The following KDM6A variants were observed in gnomAD, a reference collection of about 807,000 sequenced individuals.
The protein encoded by KDM6A is lysine-specific demethylase 6A.
A neutral mutation model predicts 117.6 loss-of-function variants in KDM6A; 11 were observed. The ratio of observed to expected loss-of-function variants is 0.09; its 90% CI spans 0.06 to 0.15. KDM6A has a LOEUF of 0.15. Ranked by LOEUF, KDM6A falls within the 10% of genes least tolerant of loss-of-function variation. The pLI, the probability that KDM6A is intolerant of heterozygous loss-of-function variation, is 1.00. For missense variants in KDM6A, 799 were observed against 1,077.3 expected (o/e 0.74, Z 3.62); for synonymous variants, 384 against 396.1 (o/e 0.97, Z 0.36).
chrX:44,937,217 T>C (rs1602261640), intron 2 of KDM6A, among the ~76,000 whole-genome samples: 2 of 111,056 alleles, frequency 1.8e-5, no homozygotes, highest in East Asian at 5.6e-4. Flanking sequence ...AGGGAGGAGA[T>C]GTTTTCAATG....
chrX:45,057,406 C>CA (rs1412419651), intron 10 of KDM6A, among the ~76,000 whole-genome samples: 1 of 111,412 alleles, frequency 9.0e-6, no homozygotes, highest in African/African-American at 3.3e-5. Context: ...CAATTAATCA[C>CA]AAAGCCTTTA....
At chrX:45,045,198 A>G in intron 8 of KDM6A, among the ~76,000 whole-genome samples, 1 of 111,445 alleles carries the variant, frequency 9.0e-6, no homozygotes, top group South Asian at 3.8e-4. Context: ...CAAAGTATCC[A>G]TTAGGTAATA....
intron 2 of KDM6A, among the ~76,000 whole-genome samples, chrX:44,879,222 GTTAAGT>G (rs1385600962): frequency 1.8e-5 from 2 of 112,075 alleles, no homozygotes; most frequent in African/African-American, 3.2e-5. Flanking sequence ...AAGGATTTCT[GTTAAGT>G]TTATTTTTAC....
At chrX:45,078,573 C>A in intron 20 of KDM6A, 68 bp downstream of exon 20, 1 of 855,006 alleles carries the variant, frequency 1.2e-6, no homozygotes, top group Non-Finnish European at 1.7e-6. Context: ...TTTTCCAGCA[C>A]TGGCAGATAC....
At chrX:44,933,723 G>T (rs1411942180) in intron 2 of KDM6A, among the ~76,000 whole-genome samples, 1 of 110,191 alleles carries the variant, frequency 9.1e-6, no homozygotes, top group Non-Finnish European at 1.9e-5. Flanking sequence ...GACTATAGGT[G>T]CCCACCACCA....
intron 4 of KDM6A, among the ~76,000 whole-genome samples, chrX:44,981,859 A>C (rs995053036): frequency 4.5e-5 from 5 of 111,942 alleles, no homozygotes; most frequent in Admixed American, 9.5e-5. Context: ...CGAGGTGGGC[A>C]CATCACCTGA....
intron 4 of KDM6A, among the ~76,000 whole-genome samples, chrX:45,005,985 A>ACCCC (rs2041446293): frequency 1.8e-4 from 2 of 11,127 alleles, no homozygotes; most frequent in Non-Finnish European, 3.5e-4. Flanking sequence ...CCCACCCCCC[A>ACCCC]CCACCCACCA....
chrX:44,965,847 A>G (rs919626537), intron 3 of KDM6A, among the ~76,000 whole-genome samples: 2 of 112,466 alleles, frequency 1.8e-5, no homozygotes, highest in East Asian at 5.6e-4. Flanking sequence ...TGAGCCTTCA[A>G]TTTGTAAAGA....
intron 2 of KDM6A, among the ~76,000 whole-genome samples, chrX:44,952,563 G>C (rs1467205291): frequency 9.0e-6 from 1 of 111,386 alleles, no homozygotes; most frequent in African/African-American, 3.3e-5. Flanking sequence ...GCGAGCCACC[G>C]CGTTCAACCC....
intron 2 of KDM6A, among the ~76,000 whole-genome samples, chrX:44,932,804 A>G (rs925802432): frequency 9.0e-6 from 1 of 111,672 alleles, no homozygotes; most frequent in African/African-American, 3.3e-5. Flanking sequence ...TTATCGTGAA[A>G]AACAGCAGTT....
chrX:44,901,407 G>T (rs2034339803), intron 2 of KDM6A, among the ~76,000 whole-genome samples: 1 of 110,671 alleles, frequency 9.0e-6, no homozygotes, highest in Non-Finnish European at 1.9e-5. Flanking sequence ...GCCTAACGTG[G>T]TTTGTCACGG....
chrX:44,984,544 G>A (rs1377258553), intron 4 of KDM6A, among the ~76,000 whole-genome samples: 1 of 111,658 alleles, frequency 9.0e-6, no homozygotes, highest in East Asian at 2.8e-4. Context: ...TATGGTTTTA[G>A]GTCTAACATT....
intron 6 of KDM6A, among the ~76,000 whole-genome samples, chrX:45,032,937 T>G (rs1254155539): frequency 1.8e-5 from 2 of 112,455 alleles, no homozygotes; most frequent in Non-Finnish European, 3.8e-5. Context: ...AATCTTAAAT[T>G]ACTGATAGAT....
chrX:44,919,204 T>A (rs2146861182), intron 2 of KDM6A, among the ~76,000 whole-genome samples: 1 of 111,798 alleles, frequency 8.9e-6, no homozygotes, highest in African/African-American at 3.2e-5. Flanking sequence ...TAGCTTAAAG[T>A]CCATAGTTTA....
At chrX:44,941,039 T>TA (rs1392520967) in intron 2 of KDM6A, among the ~76,000 whole-genome samples, 8 of 105,919 alleles carry the variant, frequency 7.6e-5, no homozygotes, top group Middle Eastern at 9.8e-3. Flanking sequence ...CTGTCTCAAA[T>TA]AAAAAAAAAA....
intron 2 of KDM6A, among the ~76,000 whole-genome samples, chrX:44,949,159 G>A (rs1279875215): frequency 9.0e-6 from 1 of 111,716 alleles, no homozygotes; most frequent in African/African-American, 3.3e-5. Context: ...GGGAGGCCGA[G>A]GCAGGTAGAT....
intron 4 of KDM6A, among the ~76,000 whole-genome samples, chrX:44,992,203 CTTCTTTTTTTTT>C (rs2040625170): frequency 1.8e-5 from 1 of 56,688 alleles, no homozygotes; most frequent in Non-Finnish European, 3.4e-5. Flanking sequence ...ATACTGTCTT[CTTCTTTTTTTTT>C]TTTTTTTTTT....
chrX:45,080,882 A>G (rs775573547), intron 21 of KDM6A, among the ~76,000 whole-genome samples: 92 of 112,288 alleles, frequency 8.2e-4, no homozygotes, highest in African/African-American at 1.7e-3. Flanking sequence ...AGATAGTAAG[A>G]GGCAGTCTAT....
intron 2 of KDM6A, among the ~76,000 whole-genome samples, chrX:44,918,610 A>G (rs1274523652): frequency 9.0e-6 from 1 of 111,495 alleles, no homozygotes; most frequent in Non-Finnish European, 1.9e-5. Context: ...AGGAGAATAC[A>G]TGTGGACTCC....
Sources: gnomAD v4.1 joint callset for allele counts (sites outside exome capture counted in the v4.1 genomes callset) on GRCh38, gnomAD v4.1.1 for gene constraint, MANE v1.5 for transcripts, NCBI Gene and HGNC (gene_info 2026-07-23, HGNC 2026-07-21) for gene names.